Variants in ASS1 observed in about 807,000 individuals in gnomAD.
The protein encoded by ASS1 is argininosuccinate synthase 1, also known as argininosuccinate synthase.
Under a neutral mutation model 60.5 loss-of-function variants are expected in ASS1, and 58 were observed. The observed-to-expected ratio is 0.96, with a 90% CI of 0.78 to 1.19. The LOEUF is 1.19. Among genes scored for constraint, ASS1 ranks in the 50% most tolerant of loss-of-function variants. The pLI, the probability that ASS1 is intolerant of heterozygous loss-of-function variation, is 0.00. For synonymous variants in ASS1, 200 were observed against 206.9 expected (o/e 0.97, Z 0.29); for missense variants, 454 against 547.3 (o/e 0.83, Z 1.70).
At chr9:130,451,723 T>A in intron 1 of ASS1, 1 of 405,800 alleles carries the variant, frequency 2.5e-6, no homozygotes. Context: ...CAACTCCTAC[T>A]TCATGAGGTT....
chr9:130,482,524 C>T (rs1846199134), intron 11 of ASS1, among the ~76,000 whole-genome samples: 1 of 151,716 alleles, frequency 6.6e-6, no homozygotes, highest in South Asian at 2.1e-4. Context: ...GTATTGCCTT[C>T]CCTATTGGAA....
intron 6 of ASS1, 26 bp downstream of exon 6, chr9:130,466,825 C>G (rs1845755018): frequency 6.2e-7 from 1 of 1,610,378 alleles, no homozygotes; most frequent in African/African-American, 1.3e-5. Context: ...CCCACCACCC[C>G]CAACCTTTCC....
chr9:130,486,397 C>G (rs1316346394), intron 11 of ASS1, among the ~76,000 whole-genome samples: 2 of 152,158 alleles, frequency 1.3e-5, no homozygotes, highest in Non-Finnish European at 2.9e-5. Context: ...CTGGCCTGTG[C>G]TAAGTTCTAT....
At chr9:130,475,797 C>T (rs1039213154) in intron 8 of ASS1, among the ~76,000 whole-genome samples, 2 of 149,296 alleles carry the variant, frequency 1.3e-5, no homozygotes, top group Admixed American at 1.3e-4. Flanking sequence ...TGCTCTCTCA[C>T]CCAGGCTGGA....
At chr9:130,483,550 A>T (rs1846221178) in intron 11 of ASS1, among the ~76,000 whole-genome samples, 1 of 149,830 alleles carries the variant, frequency 6.7e-6, no homozygotes, top group Admixed American at 6.6e-5. Context: ...AAGTAAATGA[A>T]ATCAGTGGGG....
intron 7 of ASS1, 30 bp from the exon 8 acceptor site, chr9:130,471,455 C>G: frequency 1.2e-6 from 2 of 1,613,772 alleles, no homozygotes; most frequent in Non-Finnish European, 8.5e-7. Flanking sequence ...CCCTCCCCAG[C>G]TGACCCTGTC....
At chr9:130,454,520 G>C in intron 3 of ASS1, 147 bp downstream of exon 3, 1 of 921,354 alleles carries the variant, frequency 1.1e-6, no homozygotes, top group Non-Finnish European at 1.7e-6. Context: ...TCAGGTGTGT[G>C]AACCCTCTTG....
At chr9:130,460,974 A>G (rs1205977611) in intron 4 of ASS1, among the ~76,000 whole-genome samples, 1 of 151,854 alleles carries the variant, frequency 6.6e-6, no homozygotes, top group Non-Finnish European at 1.5e-5. Context: ...AGAGGAGGAG[A>G]ACCCAGAGGA....
intron 11 of ASS1, among the ~76,000 whole-genome samples, chr9:130,483,820 T>TCCC (rs1846233060): frequency 2.7e-5 from 1 of 37,586 alleles, no homozygotes; most frequent in African/African-American, 1.7e-4. Flanking sequence ...CCTTCCCCTC[T>TCCC]TCCCTCCCTT....
At chr9:130,484,799 G>GCACACACACA (rs3030699) in intron 11 of ASS1, among the ~76,000 whole-genome samples, 87 of 146,704 alleles carry the variant, frequency 5.9e-4, no homozygotes, top group African/African-American at 1.9e-3. Flanking sequence ...AGCTTTAAAC[G>GCACACACACA]CACACACACA....
At chr9:130,450,982 G>A (rs1466419288) in intron 1 of ASS1, among the ~76,000 whole-genome samples, 1 of 152,216 alleles carries the variant, frequency 6.6e-6, no homozygotes, top group Admixed American at 6.5e-5. Context: ...CTGGAACCAG[G>A]AGGCCTGGGC....
In ASS1 at chr9:130,489,385, C is replaced by T. The variant is rs200900381; in HGVS notation, c.891C>T (p.Ile297=). The T allele has an allele frequency of 3.1e-6, 5 of 1,613,864 alleles. No individual in the cohort carries two copies. Among genetic ancestry groups the T allele is most frequent in the Admixed American group, 1.7e-5 (1 of 59,990 alleles). Residue 297 remains isoleucine, a synonymous_variant, in exon 12 of 15, where the codon ATC becomes ATT. Transcript: ENST00000352480. This position sits in a 1 kb window ranked among gnomAD's most constrained non-coding sequence, Gnocchi z 4.1. ...TCCTTTACCATGCTCATTTAGACATCGAGGCCTTCACCATGGACCGGGAAG... is the reference window on the plus strand; with the variant it reads ...TCCTTTACCATGCTCATTTAGACATTGAGGCCTTCACCATGGACCGGGAAG... The part of the protein sequence containing the change: ...GTILYHAHLD[I]EAFTMDREVR...
At chr9:130,448,445 C>T (rs1389561544) in intron 1 of ASS1, among the ~76,000 whole-genome samples, 1 of 148,928 alleles carries the variant, frequency 6.7e-6, no homozygotes, top group Non-Finnish European at 1.5e-5. Flanking sequence ...CACACACACA[C>T]TGTCTCAGGT....
In ASS1 at chr9:130,494,574, G is replaced by A. The variant is rs1365692540; in HGVS notation, c.971-293G>A. On this transcript the variant is annotated intron_variant, in intron 12 of 14. Transcript: ENST00000352480. This position sits in a 1 kb window ranked among gnomAD's most constrained non-coding sequence, Gnocchi z 4.3. Reference sequence around the variant, plus strand: ...CAGTTGCTGGCCTGTGGCACTTCCTGAATGCCTATGGCATGAAGCAGTGGG... The same window carrying A: ...CAGTTGCTGGCCTGTGGCACTTCCTAAATGCCTATGGCATGAAGCAGTGGG... Among the ~76,000 whole-genome samples, 1 of 152,206 alleles carries A rather than the reference G, an allele frequency of 6.6e-6. No individual in the cohort carries two copies. The highest frequency in any genetic ancestry group is 1.5e-5 in the Non-Finnish European group (1 of 68,032).
Position 130,470,798 on chromosome 9 carries a change from C to A in ASS1, c.496-36C>A. The A allele has an allele frequency of 6.2e-7, 1 of 1,606,786 alleles. No homozygotes were observed. Among genetic ancestry groups the A allele is most frequent in the Non-Finnish European group, 8.5e-7 (1 of 1,173,524 alleles). ...GACGGACCTCACGCGTCCTTCCAGC[C>A]GCCTTACCTCCACCTGTGCTGTCTC... On this transcript the variant is annotated intron_variant, in intron 6 of 14. Coordinates refer to ENST00000352480, the MANE Select transcript of ASS1 (RefSeq NM_054012.4). The surrounding 1 kb of genome is among the most constrained non-coding windows in gnomAD (Gnocchi z 4.3).
At chr9:130,448,142 G>C (rs544338890) in intron 1 of ASS1, among the ~76,000 whole-genome samples, 2 of 151,648 alleles carry the variant, frequency 1.3e-5, no homozygotes, top group Non-Finnish European at 2.9e-5. Context: ...TTTTTGCCTC[G>C]GGCTGCAAAT....
At position 130,501,034 on chromosome 9, in the gene ASS1, TGA is replaced by T. The variant is rs747934320; in HGVS notation, c.*15_*16del. 2 of 1,611,070 alleles carry T rather than the reference TGA, an allele frequency of 1.2e-6. No individual in the cohort carries two copies. Among genetic ancestry groups the T allele is most frequent in the Non-Finnish European group, 1.7e-6 (2 of 1,178,906 alleles). On this transcript the variant is annotated 3_prime_UTR_variant, in exon 15 of 15. Transcript: ENST00000352480. Reference sequence around the variant, plus strand: ...CACTGCCAAATAGACCCGTGTACAATGAGGAGCTGGGGCCTCCTCAATTTGCA... The same window carrying T: ...CACTGCCAAATAGACCCGTGTACAATGGAGCTGGGGCCTCCTCAATTTGCA...
At chr9:130,474,104 G>A (rs942653673) in intron 8 of ASS1, among the ~76,000 whole-genome samples, 2 of 118,986 alleles carry the variant, frequency 1.7e-5, no homozygotes, top group Non-Finnish European at 3.2e-5. Context: ...GAGCCCTCCC[G>A]CTGGGAGGGA....
intron 1 of ASS1, among the ~76,000 whole-genome samples, chr9:130,446,297 G>A (rs1845194622): frequency 6.6e-6 from 1 of 152,190 alleles, no homozygotes; most frequent in South Asian, 2.1e-4. Flanking sequence ...CTGGGGTTAG[G>A]TTCTGATGAG....
Sources: allele counts gnomAD v4.1 joint callset (sites outside exome capture counted in the v4.1 genomes callset), GRCh38; gene constraint gnomAD v4.1.1; non-coding constraint Gnocchi (gnomAD v3.1); transcripts MANE v1.5; gene names NCBI Gene and HGNC (gene_info 2026-07-23, HGNC 2026-07-21).